Variants in TWIST2 observed in about 807,000 individuals in gnomAD.
The protein encoded by TWIST2 is twist family bHLH transcription factor 2.
Under a neutral mutation model 11.6 loss-of-function variants are expected in TWIST2, and 1 was observed. The ratio of observed to expected loss-of-function variants is 0.09; its 90% CI spans 0.03 to 0.41. The LOEUF is 0.41. TWIST2 is among the 10% of genes least tolerant of loss of function. The probability of loss-of-function intolerance (pLI) is 0.98; values close to 1 mark genes in which losing one functional copy is unlikely to be tolerated. For missense variants in TWIST2, 168 were observed against 226.4 expected (o/e 0.74, Z 1.66); for synonymous variants, 87 against 96.6 (o/e 0.90, Z 0.58).
intron 1 of TWIST2, among the ~76,000 whole-genome samples, chr2:238,882,528 A>G (rs1692956018): frequency 6.6e-6 from 1 of 152,020 alleles, no homozygotes; most frequent in Admixed American, 6.6e-5. Flanking sequence ...TTGGGGTAAC[A>G]TTGACTCATG....
chr2:238,856,435 TATC>T (rs1025935428), intron 1 of TWIST2, among the ~76,000 whole-genome samples: 13 of 152,214 alleles, frequency 8.5e-5, no homozygotes, highest in African/African-American at 2.7e-4. Context: ...AAGTGAATAA[TATC>T]ATGTAATTTC....
At chr2:238,892,298 G>C (rs1204310335) in intron 1 of TWIST2, among the ~76,000 whole-genome samples, 2 of 152,220 alleles carry the variant, frequency 1.3e-5, no homozygotes, top group Non-Finnish European at 2.9e-5. Flanking sequence ...GCACGAGGAG[G>C]GGGCCCTGGC....
rs746338148 is a variant in TWIST2, at chr2:238,883,956, TCTC to T, written c.*36-25882_*36-25880del. Among the ~76,000 whole-genome samples the T allele has an allele frequency of 3.3e-5, 5 of 152,126 alleles. No homozygotes were observed. In the East Asian group the frequency reaches 9.6e-4, roughly 29 times the overall value. On this transcript the variant is annotated intron_variant, in intron 1 of 1. Transcript: ENST00000612363. ...CCGCGCTGTGGTTTCCGTCCTTCCT[TCTC>T]CTCTGCATTAAATGTGATTGGCCTT...
intron 1 of TWIST2, among the ~76,000 whole-genome samples, chr2:238,870,633 C>A (rs1334676424): frequency 6.7e-4 from 43 of 64,418 alleles, no homozygotes; most frequent in Non-Finnish European, 8.4e-4. Flanking sequence ...AAACCACACC[C>A]CCCCACACAC....
At chr2:238,893,704 G>A (rs1693174748) in intron 1 of TWIST2, among the ~76,000 whole-genome samples, 1 of 152,190 alleles carries the variant, frequency 6.6e-6, no homozygotes, top group Non-Finnish European at 1.5e-5. Context: ...TGTGGGGTCC[G>A]GCACTCAGGA....
intron 1 of TWIST2, among the ~76,000 whole-genome samples, chr2:238,868,591 G>T (rs1692586896): frequency 6.6e-6 from 1 of 152,206 alleles, no homozygotes; most frequent in Non-Finnish European, 1.5e-5. Context: ...GACAGAGATG[G>T]AAGATGCTGT....
chr2:238,873,910 C>T (rs182785823), intron 1 of TWIST2, among the ~76,000 whole-genome samples: 66 of 152,318 alleles, frequency 4.3e-4, no homozygotes, highest in African/African-American at 1.5e-3. Context: ...GAAATGGGAA[C>T]GTCATTGTGC....
chr2:238,869,814 G>A (rs1437319932), intron 1 of TWIST2, among the ~76,000 whole-genome samples: 2 of 152,060 alleles, frequency 1.3e-5, no homozygotes, highest in East Asian at 1.9e-4. Flanking sequence ...AGGGTGTGGC[G>A]GCCTATGCCT....
intron 1 of TWIST2, among the ~76,000 whole-genome samples, chr2:238,858,923 CA>C (rs1416247147): frequency 2.0e-5 from 3 of 152,154 alleles, no homozygotes; most frequent in African/African-American, 7.2e-5. Context: ...GCCATAAAAA[CA>C]AATGAGGTTG....
Position 238,864,249 on chromosome 2 carries a change from C to T in TWIST2, c.*35+15516C>T, listed in dbSNP as rs749677941. On this transcript the variant is annotated intron_variant, in intron 1 of 1. Transcript: ENST00000612363. The surrounding 1 kb of genome is among the most constrained non-coding windows in gnomAD (Gnocchi z 4.7). ...GTGGTATCCTCTCTTCTCCACATTACACCCCAAGCACGCGACTGTGAGCGG... is the reference window on the plus strand; with the variant it reads ...GTGGTATCCTCTCTTCTCCACATTATACCCCAAGCACGCGACTGTGAGCGG... Among the ~76,000 whole-genome samples the T allele has an allele frequency of 6.6e-6, 1 of 152,204 alleles. No individual in the cohort carries two copies. The highest frequency in any genetic ancestry group is 1.5e-5 in the Non-Finnish European group (1 of 68,042).
intron 1 of TWIST2, among the ~76,000 whole-genome samples, chr2:238,908,451 A>G (rs1693393703): frequency 1.3e-5 from 2 of 151,764 alleles, no homozygotes; most frequent in South Asian, 4.2e-4. Context: ...ACACATGCAC[A>G]CACATACAAC....
At chr2:238,909,663 G>A (rs1441269742) in intron 1 of TWIST2, among the ~76,000 whole-genome samples, 179 bp from the exon 2 acceptor site, 1 of 152,228 alleles carries the variant, frequency 6.6e-6, no homozygotes, top group East Asian at 1.9e-4. Context: ...AGCCTGGGCT[G>A]GCCCCGTAGC....
At chr2:238,860,965 T>G (rs1692423834) in intron 1 of TWIST2, among the ~76,000 whole-genome samples, 1 of 152,018 alleles carries the variant, frequency 6.6e-6, no homozygotes, top group Admixed American at 6.5e-5. Context: ...AAAAAACTGT[T>G]CTGTGTGATG....
At chr2:238,853,000 A>AT (rs1209696307) in intron 1 of TWIST2, among the ~76,000 whole-genome samples, 1 of 152,178 alleles carries the variant, frequency 6.6e-6, no homozygotes, top group African/African-American at 2.4e-5. Context: ...AACTCCACAT[A>AT]TTTTTTCTGA....
intron 1 of TWIST2, among the ~76,000 whole-genome samples, chr2:238,907,756 CA>C (rs1297054988): frequency 6.6e-6 from 1 of 150,952 alleles, no homozygotes; most frequent in Non-Finnish European, 1.5e-5. Context: ...AACACACACA[CA>C]AAAACACACA....
chr2:238,879,125 A>G (rs983642926), intron 1 of TWIST2, among the ~76,000 whole-genome samples: 1 of 152,250 alleles, frequency 6.6e-6, no homozygotes, highest in East Asian at 1.9e-4. Context: ...GCGGACACAC[A>G]GCCTTCCTGG....
At chr2:238,883,474 A>G (rs928115142) in intron 1 of TWIST2, among the ~76,000 whole-genome samples, 1 of 152,234 alleles carries the variant, frequency 6.6e-6, no homozygotes, top group Non-Finnish European at 1.5e-5. Context: ...AAGGGAAGAA[A>G]AAAACAGAAA....
intron 1 of TWIST2, among the ~76,000 whole-genome samples, chr2:238,907,758 AAAAC>A (rs1482906373): frequency 1.7e-5 from 1 of 58,858 alleles, no homozygotes; most frequent in Non-Finnish European, 3.9e-5. Context: ...CACACACACA[AAAAC>A]ACACAAACAC....
In TWIST2 at chr2:238,863,792, T is replaced by C. The variant is rs190919405; in HGVS notation, c.*35+15059T>C. Among the ~76,000 whole-genome samples the C allele has an allele frequency of 6.6e-6, 1 of 152,320 alleles. No individual in the cohort carries two copies. The highest frequency in any genetic ancestry group is 1.5e-5 in the Non-Finnish European group (1 of 68,042). ...TTTCTTAGCTACTAGAGACGTTTTA[T>C]TCACTTTTTACCAGGATCAAAAATG... On this transcript the variant is annotated intron_variant, in intron 1 of 1. Transcript: ENST00000612363. The surrounding 1 kb of genome is among the most constrained non-coding windows in gnomAD (Gnocchi z 4.7).
Sources: gnomAD v4.1 joint callset for allele counts (sites outside exome capture counted in the v4.1 genomes callset) on GRCh38, gnomAD v4.1.1 for gene constraint, Gnocchi (gnomAD v3.1) non-coding constraint, MANE v1.5 for transcripts, NCBI Gene and HGNC (gene_info 2026-07-23, HGNC 2026-07-21) for gene names.